Variants in CHD7 observed in about 807,000 individuals in gnomAD.
CHD7 encodes the protein ATP-dependent chromatin remodeler CHD7.
A neutral mutation model predicts 307.3 loss-of-function variants in CHD7; 24 were observed. That is an observed-to-expected ratio of 0.08 (90% confidence interval 0.06 to 0.11). The LOEUF (loss-of-function observed/expected upper bound fraction) is 0.11. CHD7 is among the 10% of genes least tolerant of loss of function. CHD7 has a pLI of 1.00. For missense variants in CHD7, 3,106 were observed against 3,727.1 expected (o/e 0.83, Z 4.34); for synonymous variants, 1,363 against 1,349.9 (o/e 1.01, Z -0.21).
rs1399061308 is a variant in CHD7 at position 60,741,803 on chromosome 8, G to T, written c.371G>T (p.Gly124Val). ...GGTGGCAGTGGTGGCGGTCAGATGG[G>T]TGTCTACCCTGGCATGCAGAATGAG... ...PHGGSGGGQM[G>V]VYPGMQNERH... Residue 124 changes from glycine to valine, a missense_variant, in exon 2 of 38, where the codon GGT (glycine) becomes GTT (valine). Gly to Val is a moderately radical substitution (Grantham distance 109). Coordinates refer to ENST00000423902, the MANE Select transcript of CHD7 (RefSeq NM_017780.4). 1 of 1,613,920 alleles carries T rather than the reference G, an allele frequency of 6.2e-7. No homozygotes were observed.
chr8:60,783,579 A>C (rs1811360844), intron 3 of CHD7, among the ~76,000 whole-genome samples: 1 of 152,210 alleles, frequency 6.6e-6, no homozygotes, highest in Admixed American at 6.5e-5. Context: ...ATTTTCTCTG[A>C]AAAAGTGTCT....
intron 7 of CHD7, among the ~76,000 whole-genome samples, chr8:60,813,989 A>C (rs1586374437): frequency 6.6e-6 from 1 of 152,272 alleles, no homozygotes; most frequent in Admixed American, 6.5e-5. Flanking sequence ...CAAAGTGACC[A>C]TACACTGTAT....
At chr8:60,687,390 T>C (rs1805957743) in intron 1 of CHD7, among the ~76,000 whole-genome samples, 1 of 152,218 alleles carries the variant, frequency 6.6e-6, no homozygotes, top group Admixed American at 6.5e-5. Context: ...TATATTGAAA[T>C]TGTTGAGCCC....
intron 31 of CHD7, among the ~76,000 whole-genome samples, chr8:60,853,797 T>C (rs1805586651): frequency 6.6e-6 from 1 of 152,240 alleles, no homozygotes; most frequent in Non-Finnish European, 1.5e-5. Context: ...AAGAATTCTA[T>C]GTGATTTTAA....
In CHD7 at chr8:60,801,534, G is replaced by C. The variant is rs1256146332; in HGVS notation, c.2383G>C (p.Val795Leu). The C allele has an allele frequency of 6.4e-7, 1 of 1,570,550 alleles. No individual in the cohort carries two copies. Among genetic ancestry groups the C allele is most frequent in the Non-Finnish European group, 8.6e-7 (1 of 1,156,254 alleles). The change falls in exon 6 of 38, where the codon GTT becomes CTT. Residue 795 changes from valine (V) to leucine (L), a missense_variant. Val to Leu is a conservative substitution (Grantham distance 32, BLOSUM62 1). Transcript: ENST00000423902. ...CACATGCCTTTTTTTTTAGGAATCT[G>C]TTGATGCAGAAGGCCCAGTGGTAGA... The part of the protein sequence containing the change: ...NTSQSEQQES[V>L]DAEGPVVEKI...
intron 1 of CHD7, among the ~76,000 whole-genome samples, chr8:60,702,949 T>C (rs1806838559): frequency 2.0e-5 from 3 of 152,140 alleles, no homozygotes. Flanking sequence ...CTTGTTGACA[T>C]GGTGGCAGAA....
At position 60,856,030 on chromosome 8, in the gene CHD7, A is replaced by T. The variant is rs747050794; in HGVS notation, c.6992A>T (p.Lys2331Ile). The T allele has an allele frequency of 1.9e-6, 3 of 1,611,660 alleles. No homozygotes were observed. Among genetic ancestry groups the T allele is most frequent in the Admixed American group, 1.7e-5 (1 of 59,746 alleles). The stretch of plus-strand genomic sequence containing the variant: ...ATCTGTGAAGCAGTGTTGAAAGGCA[A>T]ATGGCCAGTAAATAGGCGCCAGATG... ...DNICEAVLKG[K>I]WPVNRRQMFD... The change falls in exon 33 of 38, where the codon AAA becomes ATA. Residue 2331 changes from lysine (K) to isoleucine (I), a missense_variant. Physicochemically the swap from Lys to Ile is moderately radical, Grantham distance 102. This residue lies in a region of CHD7 where 1,030 missense variants were observed against 1,165.4 expected (regional missense o/e 0.88). Transcript: ENST00000423902.
At chr8:60,850,955 A>T in intron 26 of CHD7, 77 bp from the exon 27 acceptor site, 1 of 1,009,584 alleles carries the variant, frequency 9.9e-7, no homozygotes, top group Non-Finnish European at 1.5e-6. Context: ...GCAGATTATT[A>T]CTCTTTCCTA....
chr8:60,722,186 T>G (rs1807941622), intron 1 of CHD7, among the ~76,000 whole-genome samples: 1 of 152,184 alleles, frequency 6.6e-6, no homozygotes, highest in African/African-American at 2.4e-5. Context: ...AGCCAGGCAG[T>G]TTAGCTAAGA....
chr8:60,809,737 A>AAAT (rs1812710401), intron 7 of CHD7: 1 of 152,058 alleles, frequency 6.6e-6, no homozygotes, highest in Non-Finnish European at 1.5e-5. Context: ...GAGCTAAGAG[A>AAAT]AATTAAGATT....
At chr8:60,696,436 C>T (rs1806470653) in intron 1 of CHD7, among the ~76,000 whole-genome samples, 1 of 152,152 alleles carries the variant, frequency 6.6e-6, no homozygotes. Flanking sequence ...ACTCCATGAC[C>T]ACAGGCCAAT....
In CHD7 at chr8:60,856,748, T is replaced by C. The variant is rs1319276265; in HGVS notation, c.7468T>C (p.Ser2490Pro). The change falls in exon 34 of 38, where the codon TCG (serine) becomes CCG (proline). Residue 2490 changes from serine (S) to proline (P), a missense_variant. Ser to Pro is a moderately conservative substitution (Grantham distance 74). Coordinates refer to ENST00000423902, the MANE Select transcript of CHD7 (RefSeq NM_017780.4). Reference sequence around the variant, plus strand: ...AATGGAACTGCTCCAAGCAGGCCTTTCGCGCACACCCACAAGGCATCTCCT... The same window carrying C: ...AATGGAACTGCTCCAAGCAGGCCTTCCGCGCACACCCACAAGGCATCTCCT... ...TQMELLQAGLSRTPTRHLLNG... is the reference protein window; with the variant it reads ...TQMELLQAGLPRTPTRHLLNG... The C allele has an allele frequency of 7.4e-6, 12 of 1,614,068 alleles. No individual in the cohort carries two copies. The highest frequency in any genetic ancestry group is 9.3e-6 in the Non-Finnish European group (11 of 1,179,894).
chr8:60,866,010 T>G lies in CHD7; in HGVS notation c.*77T>G. On this transcript the variant is annotated 3_prime_UTR_variant, in exon 38 of 38. Coordinates refer to ENST00000423902, the MANE Select transcript of CHD7 (RefSeq NM_017780.4). ...TACTGTTTACACTCACAGTTAATGT[T>G]CATACCTAGTTTTATAAGCTGTTCT... 1 of 1,301,626 alleles carries G rather than the reference T, an allele frequency of 7.7e-7. No homozygotes were observed. 80.6% of individuals were successfully genotyped at this position (1,301,626 alleles called of 1,614,324 possible).
rs775562713 is a variant in CHD7 at position 60,851,988 on chromosome 8, A to C, written c.5666-31A>C. 2.7e-6 allele frequency: 4 copies of C among 1,482,022 alleles called. No homozygotes were observed. In the East Asian group the frequency reaches 9.4e-5, roughly 35 times the overall value. 91.8% of individuals were successfully genotyped at this position (1,482,022 alleles called of 1,614,324 possible). On this transcript the variant is annotated intron_variant, in intron 28 of 37. Coordinates refer to ENST00000423902, the MANE Select transcript of CHD7 (RefSeq NM_017780.4). Reference sequence around the variant, plus strand: ...CTCTGTATTGCAAGATTGCAGCTACACATTTCAAAAATGTTTTTCCACTTC... The same window carrying C: ...CTCTGTATTGCAAGATTGCAGCTACCCATTTCAAAAATGTTTTTCCACTTC...
chr8:60,831,881 A>G (rs1484418903), intron 15 of CHD7, among the ~76,000 whole-genome samples: 2 of 152,050 alleles, frequency 1.3e-5, no homozygotes, highest in African/African-American at 4.8e-5. Flanking sequence ...ATAACGTGTA[A>G]CTCATCGGCC....
chr8:60,795,658 CA>C (rs1207533570), intron 4 of CHD7, among the ~76,000 whole-genome samples: 1 of 152,154 alleles, frequency 6.6e-6, no homozygotes, highest in African/African-American at 2.4e-5. Context: ...GGCAACTCTG[CA>C]GAATATTCTC....
rs1805521329 is a variant in CHD7 at position 60,852,908 on chromosome 8, A to G, written c.6183A>G (p.Leu2061=). 1 of 1,613,876 alleles carries G rather than the reference A, an allele frequency of 6.2e-7. No homozygotes were observed. Among genetic ancestry groups the G allele is most frequent in the African/African-American group, 1.3e-5 (1 of 74,914 alleles). The change falls in exon 31 of 38, where the codon CTA becomes CTG. Residue 2061 remains leucine (L), a synonymous_variant. Coordinates refer to ENST00000423902, the MANE Select transcript of CHD7 (RefSeq NM_017780.4). The part of the protein sequence containing the change: ...ASRTLYRIEL[L]RKIREQVLHH... Reference sequence around the variant, plus strand: ...GAACTCTGTACCGCATTGAGCTGCTACGGAAGATCCGCGAGCAGGTTCTCC... The same window carrying G: ...GAACTCTGTACCGCATTGAGCTGCTGCGGAAGATCCGCGAGCAGGTTCTCC...
intron 1 of CHD7, among the ~76,000 whole-genome samples, chr8:60,706,976 C>T (rs757251350): frequency 9.9e-5 from 15 of 152,146 alleles, no homozygotes; most frequent in East Asian, 1.9e-4. Flanking sequence ...CTGCTCCCCC[C>T]ACCCCACGAC....
intron 3 of CHD7, among the ~76,000 whole-genome samples, chr8:60,793,257 T>A (rs913018119): frequency 4.6e-5 from 7 of 152,054 alleles, no homozygotes; most frequent in Admixed American, 6.5e-5. Context: ...TTTTTTTTTT[T>A]AATTTTAAAA....
Sources: gnomAD v4.1 joint callset for allele counts (sites outside exome capture counted in the v4.1 genomes callset) on GRCh38, gnomAD v4.1.1 for gene constraint, gnomAD v4.1.1 regional missense constraint, MANE v1.5 for transcripts, NCBI Gene and HGNC (gene_info 2026-07-23, HGNC 2026-07-21) for gene names.